CNTNAP2: variants seen among roughly 807,000 people sequenced by gnomAD.
CNTNAP2 encodes contactin associated protein 2.
Under a neutral mutation model 155.2 loss-of-function variants are expected in CNTNAP2, and 98 were observed. That is an observed-to-expected ratio of 0.63 (90% CI 0.54 to 0.75). The LOEUF (loss-of-function observed/expected upper bound fraction) is 0.75, where lower values mean the gene tolerates loss of function less well. Ranked by LOEUF, CNTNAP2 falls within the 30% of genes least tolerant of loss-of-function variation. CNTNAP2 has a pLI of 0.00. For synonymous variants in CNTNAP2, 651 were observed against 631.2 expected, an observed-to-expected ratio of 1.03 and a Z score of -0.47; for missense variants, 1,727 against 1,688.1, an observed-to-expected ratio of 1.02 and a Z score of -0.40.
In CNTNAP2 at chr7:147,916,569, G is replaced by T. The variant is rs149229708; in HGVS notation, c.2255+12848G>T. ...GTCATTTTGAGAAAAGCAGAACTAA[G>T]ATTCAAAAGAGCTTTTTTTCTGAAA... On this transcript the variant is annotated intron_variant, in intron 14 of 23. Transcript: ENST00000361727. 3.1e-3 allele frequency among the ~76,000 whole-genome samples: 404 copies of T among 132,296 alleles called. 2 individuals carry two copies. Among genetic ancestry groups the T allele is most frequent in the African/African-American group, 0.011 (386 of 34,586 alleles). The allele number at this position is 132,296 out of a possible 152,430, so 86.8% of individuals were successfully genotyped here.
At chr7:148,100,868 T>A (rs1804083852) in intron 15 of CNTNAP2, among the ~76,000 whole-genome samples, 2 of 152,106 alleles carry the variant, frequency 1.3e-5, no homozygotes, top group Non-Finnish European at 2.9e-5. Flanking sequence ...CAGCAAAGAC[T>A]TGGAACCAAC....
intron 1 of CNTNAP2, among the ~76,000 whole-genome samples, chr7:146,734,219 C>A (rs1801573369): frequency 6.6e-6 from 1 of 151,814 alleles, no homozygotes; most frequent in South Asian, 2.1e-4. Context: ...TATATTTGAC[C>A]CCAACTGGAG....
At chr7:146,502,441 TTA>T (rs1797319452) in intron 1 of CNTNAP2, among the ~76,000 whole-genome samples, 1 of 151,898 alleles carries the variant, frequency 6.6e-6, no homozygotes, top group Non-Finnish European at 1.5e-5. Flanking sequence ...TGTTCCATTA[TTA>T]GTTTTTTGAG....
intron 13 of CNTNAP2, among the ~76,000 whole-genome samples, chr7:147,697,135 A>G (rs1215170388): frequency 2.0e-5 from 3 of 152,128 alleles, no homozygotes; most frequent in Non-Finnish European, 4.4e-5. Flanking sequence ...TCTCTCTTCA[A>G]CCACATTCAG....
rs1283767513 is a variant in CNTNAP2 at position 147,346,137 on chromosome 7, TA to T, written c.1498+45848del. Among the ~76,000 whole-genome samples, 424 of 51,252 alleles carry T rather than the reference TA, an allele frequency of 8.3e-3. 4 individuals carry two copies. The highest frequency in any genetic ancestry group is 0.053 in the African/African-American group (382 of 7,206). 33.6% of individuals were successfully genotyped at this position (51,252 alleles called of 152,430 possible). ...TGTCCCATAATCGAAGATTTTATTT[TA>T]TTTTATTTTATTTTATTTTTTTTTT... is the stretch of plus-strand genomic sequence containing the variant. On this transcript the variant is annotated intron_variant, in intron 9 of 23. Coordinates refer to ENST00000361727, the MANE Select transcript of CNTNAP2 (RefSeq NM_014141.6).
intron 10 of CNTNAP2, among the ~76,000 whole-genome samples, chr7:147,425,135 ATT>A (rs3053208): frequency 0.066 from 9,681 of 146,824 alleles, 580 homozygotes; most frequent in East Asian, 0.32. Context: ...TGCAAGTGGA[ATT>A]TTTTTTTTTT....
intron 13 of CNTNAP2, among the ~76,000 whole-genome samples, chr7:147,821,877 A>T (rs1798367326): frequency 6.6e-6 from 1 of 152,194 alleles, no homozygotes; most frequent in Non-Finnish European, 1.5e-5. Flanking sequence ...AAGTTACTGA[A>T]AGAGTATAAT....
intron 3 of CNTNAP2, among the ~76,000 whole-genome samples, chr7:146,937,105 C>T (rs980920078): frequency 1.3e-5 from 2 of 151,886 alleles, no homozygotes; most frequent in Admixed American, 6.6e-5. Flanking sequence ...AAGTGAAAAC[C>T]GGCCGGGCGC....
intron 21 of CNTNAP2, among the ~76,000 whole-genome samples, chr7:148,364,571 C>T (rs1798694976): frequency 2.0e-5 from 3 of 152,168 alleles, no homozygotes; most frequent in Non-Finnish European, 2.9e-5. Context: ...TGTGAATGCA[C>T]CAATCGACAC....
intron 13 of CNTNAP2, among the ~76,000 whole-genome samples, chr7:147,789,198 C>T (rs917286738): frequency 2.6e-5 from 4 of 152,226 alleles, no homozygotes; most frequent in Middle Eastern, 3.4e-3. Context: ...TGAGCCACCA[C>T]GCCCGGCCCA....
intron 8 of CNTNAP2, among the ~76,000 whole-genome samples, chr7:147,135,801 A>T (rs1220532361): frequency 1.3e-5 from 2 of 150,984 alleles, no homozygotes; most frequent in African/African-American, 4.9e-5. Flanking sequence ...AAAAAGCCAT[A>T]ACCCACTATA....
chr7:146,436,837 G>T (rs1796250428), intron 1 of CNTNAP2, among the ~76,000 whole-genome samples: 1 of 151,620 alleles, frequency 6.6e-6, no homozygotes, highest in African/African-American at 2.4e-5. Flanking sequence ...AAAGAATGGA[G>T]AATATAAAAC....
At chr7:147,455,208 C>G (rs1237128440) in intron 10 of CNTNAP2, among the ~76,000 whole-genome samples, 1 of 152,016 alleles carries the variant, frequency 6.6e-6, no homozygotes. Context: ...CATTTTCGTT[C>G]CTTAATCTCT....
At chr7:147,501,687 A>G (rs370897438) in intron 11 of CNTNAP2, among the ~76,000 whole-genome samples, 1 of 152,202 alleles carries the variant, frequency 6.6e-6, no homozygotes, top group Non-Finnish European at 1.5e-5. Context: ...GAGCACATTT[A>G]AGTTTGGCTA....
intron 1 of CNTNAP2, among the ~76,000 whole-genome samples, chr7:146,367,337 T>C (rs1364566613): frequency 1.3e-5 from 2 of 152,190 alleles, no homozygotes; most frequent in South Asian, 2.1e-4. Context: ...AATGCAGTTA[T>C]ACATTTCATT....
chr7:146,779,894 TA>T (rs1191794803), intron 2 of CNTNAP2, among the ~76,000 whole-genome samples: 1 of 152,220 alleles, frequency 6.6e-6, no homozygotes. Flanking sequence ...AGTATGTGAA[TA>T]ACAGATGTTT....
At chr7:147,225,104 A>G (rs1352596135) in intron 8 of CNTNAP2, among the ~76,000 whole-genome samples, 1 of 152,156 alleles carries the variant, frequency 6.6e-6, no homozygotes, top group Non-Finnish European at 1.5e-5. Context: ...TGAACCCTCA[A>G]TTATCTTGTC....
intron 1 of CNTNAP2, among the ~76,000 whole-genome samples, chr7:146,740,059 C>T (rs1801685548): frequency 6.6e-6 from 1 of 151,992 alleles, no homozygotes; most frequent in Non-Finnish European, 1.5e-5. Flanking sequence ...TTCCCATAGA[C>T]ATACCATTTA....
rs2116673179 is a variant in CNTNAP2, at chr7:147,853,440, T to C, written c.2099-50125T>C. ...TTTAACAATGGTTTTCTTGAGTAGATTAACTACCGCTTTAAAAATCCTATT... is the reference window on the plus strand; with the variant it reads ...TTTAACAATGGTTTTCTTGAGTAGACTAACTACCGCTTTAAAAATCCTATT... On this transcript the variant is annotated intron_variant, in intron 13 of 23. Transcript: ENST00000361727. Among the ~76,000 whole-genome samples the C allele has an allele frequency of 2.0e-5, 3 of 152,330 alleles. No individual in the cohort carries two copies. The South Asian group carries it at 6.2e-4, about 32-fold the overall frequency.
Sources: allele counts gnomAD v4.1 joint callset (sites outside exome capture counted in the v4.1 genomes callset), GRCh38; gene constraint gnomAD v4.1.1; transcripts MANE v1.5; gene names NCBI Gene and HGNC (gene_info 2026-07-23, HGNC 2026-07-21).